Variants in IL18R1 observed in about 807,000 individuals in gnomAD.
IL18R1 encodes interleukin 18 receptor 1.
Under a neutral mutation model 48.5 loss-of-function variants are expected in IL18R1, and 40 were observed. The ratio of observed to expected loss-of-function variants is 0.82; its 90% CI spans 0.64 to 1.07. The LOEUF (loss-of-function observed/expected upper bound fraction) is 1.07, where lower values mean the gene tolerates loss of function less well. Among genes scored for constraint, IL18R1 ranks in the 50% least tolerant of loss-of-function variants. The pLI is 0.00. For synonymous variants in IL18R1, 232 were observed against 225.9 expected (o/e 1.03, Z -0.24); for missense variants, 596 against 633.7 (o/e 0.94, Z 0.64).
chr2:102,359,180 A>C (rs1054386546), intron 1 of IL18R1, among the ~76,000 whole-genome samples: 7 of 152,198 alleles, frequency 4.6e-5, no homozygotes, highest in African/African-American at 1.7e-4. Context: ...ACAATAGAGA[A>C]GTAATTAGTA....
intron 9 of IL18R1, among the ~76,000 whole-genome samples, chr2:102,391,410 C>T (rs1039767855): frequency 1.3e-5 from 2 of 152,180 alleles, no homozygotes; most frequent in Non-Finnish European, 2.9e-5. Flanking sequence ...TTGCATGTTA[C>T]TTTATAAAGC....
chr2:102,394,270 G>A (rs1680704462), intron 9 of IL18R1, among the ~76,000 whole-genome samples, 199 bp from the exon 10 acceptor site: 1 of 152,000 alleles, frequency 6.6e-6, no homozygotes, highest in East Asian at 1.9e-4. Flanking sequence ...GTCAAGCAGT[G>A]GGATCTTAAA....
intron 9 of IL18R1, among the ~76,000 whole-genome samples, chr2:102,393,125 C>A (rs553141677): frequency 6.6e-6 from 1 of 152,060 alleles, no homozygotes; most frequent in Non-Finnish European, 1.5e-5. Context: ...AAATTATGCC[C>A]TTTAAAAAAG....
intron 5 of IL18R1, among the ~76,000 whole-genome samples, chr2:102,378,341 C>T (rs1469481867): frequency 6.6e-6 from 1 of 152,146 alleles, no homozygotes; most frequent in Non-Finnish European, 1.5e-5. Context: ...AATGGTTCAT[C>T]CCTCGTAGGG....
chr2:102,372,866 G>C (rs1324138411), intron 4 of IL18R1, among the ~76,000 whole-genome samples: 2 of 152,026 alleles, frequency 1.3e-5, no homozygotes, highest in Non-Finnish European at 2.9e-5. Context: ...CAAATCCTTG[G>C]GTGTTTATAT....
intron 5 of IL18R1, among the ~76,000 whole-genome samples, chr2:102,378,254 G>A (rs6750020): frequency 0.77 from 117,818 of 152,126 alleles, 46,640 homozygotes; most frequent in African/African-American, 0.89. Context: ...CAACAGCTCT[G>A]TGAGACTGTG....
intron 1 of IL18R1, among the ~76,000 whole-genome samples, 189 bp from the exon 2 acceptor site, chr2:102,362,444 A>G (rs2105030513): frequency 6.6e-6 from 1 of 152,338 alleles, no homozygotes; most frequent in South Asian, 2.1e-4. Context: ...GAAAAACTTC[A>G]TTGCCTTGAA....
chr2:102,389,360 CT>C (rs1381068794), intron 8 of IL18R1, among the ~76,000 whole-genome samples: 2 of 152,136 alleles, frequency 1.3e-5, no homozygotes, highest in Non-Finnish European at 2.9e-5. Context: ...TTACTTTATT[CT>C]TTTTATTCCT....
Position 102,398,063 on chromosome 2 carries a change from A to C in IL18R1, c.*1177A>C, listed in dbSNP as rs1195256912. On this transcript the variant is annotated 3_prime_UTR_variant, in exon 11 of 11. Transcript: ENST00000233957. ...ACTTAGATCAATTATTTAGCAGTGG[A>C]CTAATGGAAGCTACAGAGCAGGGAA... The C allele has an allele frequency of 6.6e-6, 1 of 152,326 alleles. No individual in the cohort carries two copies. Among genetic ancestry groups the C allele is most frequent in the Non-Finnish European group, 1.5e-5 (1 of 68,040 alleles). The allele number at this position is 152,326 out of a possible 1,614,324, so 9.4% of individuals were successfully genotyped here.
At chr2:102,362,243 T>A (rs1368887494) in intron 1 of IL18R1, among the ~76,000 whole-genome samples, 1 of 151,504 alleles carries the variant, frequency 6.6e-6, no homozygotes, top group African/African-American at 2.4e-5. Flanking sequence ...ACACACACAC[T>A]CTGTTACATG....
chr2:102,379,444 CAAAAAAAAAAA>C (rs112656218), intron 5 of IL18R1, among the ~76,000 whole-genome samples: 50 of 102,972 alleles, frequency 4.9e-4, no homozygotes, highest in African/African-American at 1.3e-3. Flanking sequence ...GACTCGGTCT[CAAAAAAAAAAA>C]AAAAAAAAAA....
chr2:102,365,099 A>G (rs575278309), intron 2 of IL18R1, among the ~76,000 whole-genome samples: 1 of 152,096 alleles, frequency 6.6e-6, no homozygotes, highest in Non-Finnish European at 1.5e-5. Flanking sequence ...AAACACAATC[A>G]TGCCCTTCTA....
At chr2:102,387,738 G>A (rs1680321900) in intron 8 of IL18R1, among the ~76,000 whole-genome samples, 1 of 152,166 alleles carries the variant, frequency 6.6e-6, no homozygotes, top group African/African-American at 2.4e-5. Context: ...GAGAGAGAAA[G>A]GGAGAGAGAC....
intron 8 of IL18R1, 149 bp downstream of exon 8, chr2:102,387,149 G>A: frequency 1.3e-6 from 1 of 767,958 alleles, no homozygotes; most frequent in Admixed American, 2.6e-5. Context: ...ATTCAGTGGG[G>A]CCCCTCTGTC....
intron 6 of IL18R1, among the ~76,000 whole-genome samples, chr2:102,383,195 T>C (rs958493342): frequency 1.2e-4 from 18 of 152,374 alleles, no homozygotes; most frequent in African/African-American, 3.4e-4. Flanking sequence ...AGTGACTTAC[T>C]TAAGGCCCAC....
intron 1 of IL18R1, among the ~76,000 whole-genome samples, chr2:102,360,395 C>A (rs1678504767): frequency 6.6e-6 from 1 of 152,170 alleles, no homozygotes; most frequent in South Asian, 2.1e-4. Context: ...TCCTTAGTAG[C>A]TGGGACTACA....
rs577197301 is a variant in IL18R1 at position 102,386,959 on chromosome 2, C to G, written c.908C>G (p.Thr303Arg). The G allele has an allele frequency of 1.2e-6, 2 of 1,613,708 alleles. No homozygotes were observed. The highest frequency in any genetic ancestry group is 1.7e-6 in the Non-Finnish European group (2 of 1,179,864). Residue 303 changes from threonine to arginine, a missense_variant, in exon 8 of 11, where the codon ACG (threonine) becomes AGG (arginine). Thr to Arg is a moderately conservative substitution (Grantham distance 71). Around this residue, in one of 3 missense-constraint regions of IL18R1, gnomAD observed 57 missense variants for 88.2 expected, o/e 0.65. Transcript: ENST00000233957. ...TTATATAATTGCACTGTGGCCAGCACGGGAGGCACAGACACCAAAAGCTTC... is the reference window on the plus strand; with the variant it reads ...TTATATAATTGCACTGTGGCCAGCAGGGGAGGCACAGACACCAAAAGCTTC... ...NVLYNCTVAS[T>R]GGTDTKSFIL...
intron 1 of IL18R1, among the ~76,000 whole-genome samples, chr2:102,359,496 G>C (rs1389457074): frequency 2.0e-5 from 3 of 152,108 alleles, no homozygotes; most frequent in Non-Finnish European, 4.4e-5. Context: ...CTGAGAACTG[G>C]ACAAAAGACA....
chr2:102,357,289 A>C (rs1359390614), intron 1 of IL18R1, among the ~76,000 whole-genome samples: 4 of 152,104 alleles, frequency 2.6e-5, no homozygotes, highest in Non-Finnish European at 5.9e-5. Context: ...CAGGAGATCG[A>C]GACCATCCTG....
Sources: gnomAD v4.1 joint callset for allele counts (sites outside exome capture counted in the v4.1 genomes callset) on GRCh38, gnomAD v4.1.1 for gene constraint, gnomAD v4.1.1 regional missense constraint, MANE v1.5 for transcripts, NCBI Gene and HGNC (gene_info 2026-07-23, HGNC 2026-07-21) for gene names.